The following AGPAT5 variants were observed in gnomAD, a reference collection of about 807,000 sequenced individuals.
AGPAT5 encodes 1-acylglycerol-3-phosphate O-acyltransferase 5.
Under a neutral mutation model 45.6 loss-of-function variants are expected in AGPAT5, and 46 were observed. The observed-to-expected ratio is 1.01, with a 90% CI of 0.80 to 1.29. The LOEUF is 1.29. AGPAT5 is among the 50% of genes most tolerant of loss of function. The pLI is 0.00. For missense variants in AGPAT5, 673 were observed against 450.7 expected, an observed-to-expected ratio of 1.49 and a Z score of -4.47; for synonymous variants, 272 against 167.0, an observed-to-expected ratio of 1.63 and a Z score of -4.85.
chr8:6,723,532 T>C (rs1748219907), intron 1 of AGPAT5, among the ~76,000 whole-genome samples: 1 of 152,138 alleles, frequency 6.6e-6, no homozygotes, highest in South Asian at 2.1e-4. Flanking sequence ...GTGCAAAACT[T>C]TTAAATCAGT....
chr8:6,712,234 C>G (rs1472638695), intron 1 of AGPAT5, among the ~76,000 whole-genome samples: 1 of 152,108 alleles, frequency 6.6e-6, no homozygotes, highest in African/African-American at 2.4e-5. Context: ...ACAGATTTAC[C>G]TTCACATATC....
chr8:6,730,943 A>G (rs1800842548), intron 3 of AGPAT5, 117 bp downstream of exon 3: 1 of 559,918 alleles, frequency 1.8e-6, no homozygotes, highest in East Asian at 3.2e-5. Flanking sequence ...AACACAGCTC[A>G]CTGCAGCCTT....
chr8:6,750,319 T>G (rs531226414), intron 6 of AGPAT5, among the ~76,000 whole-genome samples: 1 of 152,362 alleles, frequency 6.6e-6, no homozygotes, highest in East Asian at 1.9e-4. Context: ...AACCTCCCAC[T>G]GCCCTGCTTA....
At chr8:6,718,032 C>T (rs996601467) in intron 1 of AGPAT5, among the ~76,000 whole-genome samples, 3 of 152,126 alleles carry the variant, frequency 2.0e-5, no homozygotes, top group Non-Finnish European at 4.4e-5. Context: ...GATTCTCGTC[C>T]TTAAATGGAA....
chr8:6,755,405 A>G (rs1319687400), intron 7 of AGPAT5, among the ~76,000 whole-genome samples: 1 of 152,242 alleles, frequency 6.6e-6, no homozygotes, highest in Non-Finnish European at 1.5e-5. Context: ...TTTCTTGGAC[A>G]ATACTACGTG....
chr8:6,747,575 G>C, intron 5 of AGPAT5, 95 bp from the exon 6 acceptor site: 4 of 1,153,910 alleles, frequency 3.5e-6, no homozygotes, highest in Non-Finnish European at 4.9e-6. Context: ...TCTGTTGTGT[G>C]TGTTTGAGGG....
chr8:6,727,280 A>AG, intron 2 of AGPAT5, among the ~76,000 whole-genome samples: 1 of 152,136 alleles, frequency 6.6e-6, no homozygotes, highest in South Asian at 2.1e-4. Flanking sequence ...TTGTCTCTAC[A>AG]TTCTGTCTCT....
chr8:6,748,969 C>G (rs1377938882), intron 6 of AGPAT5, among the ~76,000 whole-genome samples: 1 of 152,162 alleles, frequency 6.6e-6, no homozygotes, highest in African/African-American at 2.4e-5. Flanking sequence ...TTAACTACAA[C>G]AAAACATTTA....
At chr8:6,733,952 G>GA (rs1267554899) in intron 4 of AGPAT5, among the ~76,000 whole-genome samples, 7 of 152,156 alleles carry the variant, frequency 4.6e-5, no homozygotes, top group South Asian at 2.1e-4. Flanking sequence ...CGCTAGGGCT[G>GA]AAAAAATCAG....
chr8:6,735,041 A>G (rs748582340), intron 4 of AGPAT5, among the ~76,000 whole-genome samples: 1 of 152,088 alleles, frequency 6.6e-6, no homozygotes, highest in Non-Finnish European at 1.5e-5. Context: ...AGGAGAGGGA[A>G]GGGAAGTGTC....
chr8:6,720,537 A>G lies in AGPAT5; in HGVS notation c.220-4333A>G, dbSNP rs759871959. Among the ~76,000 whole-genome samples, 9 of 152,304 alleles carry G rather than the reference A, an allele frequency of 5.9e-5. No homozygotes were observed. In the South Asian group the frequency reaches 8.3e-4, roughly 14 times the overall value. ...AATGTGGCAGAGTTAAATGACCCCA[A>G]TATTGGCCAGAACCCACAGGAAGTT... On this transcript the variant is annotated intron_variant, in intron 1 of 7. Coordinates refer to ENST00000285518, the MANE Select transcript of AGPAT5 (RefSeq NM_018361.5).
At chr8:6,720,921 G>A (rs1800476050) in intron 1 of AGPAT5, among the ~76,000 whole-genome samples, 2 of 152,190 alleles carry the variant, frequency 1.3e-5, no homozygotes, top group South Asian at 4.1e-4. Flanking sequence ...CAATGAGAGA[G>A]CAGTGAGCCG....
chr8:6,719,952 G>A (rs1040550222), intron 1 of AGPAT5, among the ~76,000 whole-genome samples: 3 of 152,194 alleles, frequency 2.0e-5, no homozygotes, highest in Admixed American at 6.5e-5. Flanking sequence ...ACTCTCGATT[G>A]AAGAGAAGAC....
chr8:6,745,705 T>C (rs1801423655), intron 5 of AGPAT5: 1 of 152,074 alleles, frequency 6.6e-6, no homozygotes. Flanking sequence ...TTCCCTGTTA[T>C]TATTTTTACC....
intron 1 of AGPAT5, among the ~76,000 whole-genome samples, chr8:6,722,039 G>A (rs1351564727): frequency 6.6e-6 from 1 of 152,014 alleles, no homozygotes; most frequent in Non-Finnish European, 1.5e-5. Flanking sequence ...GATAAATTGT[G>A]AAAAAGTGAC....
rs771352884 is a variant in AGPAT5 at position 6,757,422 on chromosome 8, A to C, written c.*34A>C. The C allele has an allele frequency of 3.2e-6, 5 of 1,560,550 alleles. No individual in the cohort carries two copies. Among genetic ancestry groups the C allele is most frequent in the Non-Finnish European group, 4.4e-6 (5 of 1,134,170 alleles). On this transcript the variant is annotated 3_prime_UTR_variant, in exon 8 of 8. Coordinates refer to ENST00000285518, the MANE Select transcript of AGPAT5 (RefSeq NM_018361.5). ...CTGTCTCCAGACAGTGGGATGTGCT[A>C]CATTGTCTATTTTTGGCGGCTGCAC...
Position 6,709,027 on chromosome 8 carries a change from C to G in AGPAT5, c.219+140C>G, listed in dbSNP as rs1287973062. ...CGGAGAGCACGTGCCGCCTCCCCGC[C>G]TTCCTCTCCGCATGCTTCCTGCCGT... On this transcript the variant is annotated intron_variant, in intron 1 of 7. Coordinates refer to ENST00000285518, the MANE Select transcript of AGPAT5 (RefSeq NM_018361.5). The G allele has an allele frequency of 7.3e-6, 6 of 819,518 alleles. No homozygotes were observed. In the South Asian group the frequency reaches 8.7e-5, roughly 12 times the overall value. 50.8% of individuals were successfully genotyped at this position (819,518 alleles called of 1,614,324 possible).
chr8:6,735,385 A>G (rs1380851351), intron 4 of AGPAT5, among the ~76,000 whole-genome samples: 1 of 152,112 alleles, frequency 6.6e-6, no homozygotes, highest in Non-Finnish European at 1.5e-5. Context: ...TTGTCTTGTG[A>G]GTACACAGGA....
intron 4 of AGPAT5, among the ~76,000 whole-genome samples, chr8:6,740,681 C>T (rs1185402484): frequency 6.6e-6 from 1 of 151,872 alleles, no homozygotes; most frequent in Non-Finnish European, 1.5e-5. Flanking sequence ...AGAAAAAATT[C>T]AGTACCACAT....
Sources: gnomAD v4.1 joint callset for allele counts (sites outside exome capture counted in the v4.1 genomes callset) on GRCh38, gnomAD v4.1.1 for gene constraint, MANE v1.5 for transcripts, NCBI Gene and HGNC (gene_info 2026-07-23, HGNC 2026-07-21) for gene names.